FRYL: variants seen among roughly 807,000 people sequenced by gnomAD.
The protein encoded by FRYL is FRY like transcription coactivator.
In FRYL, 150 loss-of-function variants were observed where a neutral mutation model predicts 351.2. The ratio of observed to expected loss-of-function variants is 0.43; its 90% CI spans 0.37 to 0.49. The LOEUF (loss-of-function observed/expected upper bound fraction) is 0.49, where lower values mean the gene tolerates loss of function less well. FRYL is among the 20% of genes least tolerant of loss of function. The pLI, the probability that FRYL is intolerant of heterozygous loss-of-function variation, is 0.00. For missense variants in FRYL, 3,036 were observed against 3,619.3 expected (o/e 0.84, Z 4.13); for synonymous variants, 1,153 against 1,257.1 (o/e 0.92, Z 1.75).
chr4:48,674,736 C>CCAAAAA, intron 3 of FRYL, among the ~76,000 whole-genome samples: 1 of 55,774 alleles, frequency 1.8e-5, no homozygotes, highest in Non-Finnish European at 2.9e-5. Context: ...GACTCTGTCT[C>CCAAAAA]AAAAAAAAAA....
intron 4 of FRYL, among the ~76,000 whole-genome samples, chr4:48,626,039 T>G (rs1429611730): frequency 2.0e-5 from 3 of 152,148 alleles, no homozygotes; most frequent in Non-Finnish European, 4.4e-5. Context: ...ACTCAAGGGT[T>G]GCTGCTGGGG....
chr4:48,657,359 T>TC (rs1759444914), intron 3 of FRYL, among the ~76,000 whole-genome samples: 1 of 149,210 alleles, frequency 6.7e-6, no homozygotes, highest in Admixed American at 6.7e-5. Flanking sequence ...TTTTCTTTTT[T>TC]TTTTTTTTTT....
chr4:48,655,363 G>C (rs1230785444), intron 3 of FRYL, among the ~76,000 whole-genome samples: 1 of 152,030 alleles, frequency 6.6e-6, no homozygotes, highest in Non-Finnish European at 1.5e-5. Context: ...AATTAGTTTA[G>C]ACACCAGGAT....
In FRYL at chr4:48,561,548, T is replaced by A. The variant is rs1735501986; in HGVS notation, c.3785A>T (p.His1262Leu). 3 of 1,612,474 alleles carry A rather than the reference T, an allele frequency of 1.9e-6. No homozygotes were observed. Among genetic ancestry groups the A allele is most frequent in the Non-Finnish European group, 2.5e-6 (3 of 1,178,844 alleles). ...CTGATAATATGAAACAGAATAGAGA[T>A]GTGGTAGAGGAGACAGCTGGCTGAG... ...GVLSQLSPLP[H>L]LYSVSYYQLS... Residue 1262 changes from histidine to leucine, a missense_variant, in exon 33 of 64, where the codon CAT becomes CTT. Around this residue, in one of 7 missense-constraint regions of FRYL, gnomAD observed 1,987 missense variants for 2,311.7 expected, o/e 0.86. Transcript: ENST00000358350.
chr4:48,568,716 G>C (rs1737437312), intron 27 of FRYL, among the ~76,000 whole-genome samples: 1 of 152,066 alleles, frequency 6.6e-6, no homozygotes, highest in South Asian at 2.1e-4. Flanking sequence ...ATCAATGTAT[G>C]ACCTTTATTC....
chr4:48,567,820 T>A lies in FRYL; in HGVS notation c.2997-400A>T, dbSNP rs1481312567. 2.6e-5 allele frequency among the ~76,000 whole-genome samples: 4 copies of A among 152,350 alleles called. No homozygotes were observed. The East Asian group carries it at 5.8e-4, about 22-fold the overall frequency. On this transcript the variant is annotated intron_variant, in intron 27 of 63. Coordinates refer to ENST00000358350, the MANE Select transcript of FRYL (RefSeq NM_015030.2). The surrounding 1 kb of genome is among the most constrained non-coding windows in gnomAD (Gnocchi z 4.2). ...ATAGCTGCCATGTCTATTCATATTG[T>A]GCCTTCAGCATAATTAAATATCTAT...
At chr4:48,573,375 T>A in intron 25 of FRYL, 132 bp from the exon 26 acceptor site, 4 of 610,892 alleles carry the variant, frequency 6.5e-6, no homozygotes, top group Non-Finnish European at 1.1e-5. Context: ...AATGTCTATT[T>A]TTTTATTTGG....
intron 1 of FRYL, among the ~76,000 whole-genome samples, chr4:48,758,166 T>C (rs1427385339): frequency 1.3e-5 from 2 of 152,202 alleles, no homozygotes; most frequent in South Asian, 2.1e-4. Context: ...ATTCAGGACA[T>C]GGGCATGGGC....
chr4:48,633,875 T>C (rs1367201252), intron 4 of FRYL, among the ~76,000 whole-genome samples: 7 of 110,900 alleles, frequency 6.3e-5, no homozygotes, highest in African/African-American at 2.7e-4. Context: ...CTTTAGAAAC[T>C]GACCCATGTG....
At chr4:48,646,242 T>C (rs1314681578) in intron 3 of FRYL, among the ~76,000 whole-genome samples, 1 of 152,224 alleles carries the variant, frequency 6.6e-6, no homozygotes, top group African/African-American at 2.4e-5. Context: ...ATACAGCTTA[T>C]AAAACAATTC....
Position 48,590,672 on chromosome 4 carries a change from T to A in FRYL, c.1494A>T (p.Glu498Asp). Residue 498 changes from glutamate (E) to aspartate (D), a missense_variant, in exon 17 of 64, where the codon GAA becomes GAT. Physicochemically the swap from Glu to Asp is conservative, Grantham distance 45. Transcript: ENST00000358350. The stretch of plus-strand genomic sequence containing the variant: ...AATTAAACTAACCTATGACTTTTGC[T>A]TCTTCATCTGTCAAGGTTTTATTGA... Reference protein sequence around the residue: ...IFLNKTLTDEEAKVIGMSVYY... With the variant: ...IFLNKTLTDEDAKVIGMSVYY... The A allele has an allele frequency of 1.2e-6, 2 of 1,606,172 alleles. No homozygotes were observed.
At chr4:48,564,385 C>T (rs542432545) in intron 30 of FRYL, among the ~76,000 whole-genome samples, 1 of 152,172 alleles carries the variant, frequency 6.6e-6, no homozygotes, top group African/African-American at 2.4e-5. Context: ...TGATTAGGTG[C>T]TTTCAGAAAA....
chr4:48,571,155 G>A (rs537388601), intron 26 of FRYL, among the ~76,000 whole-genome samples: 2 of 152,310 alleles, frequency 1.3e-5, no homozygotes, highest in African/African-American at 2.4e-5. Context: ...TGTGTCAGGG[G>A]AAGTAAAATA....
At chr4:48,765,451 A>C (rs1218247676) in intron 1 of FRYL, among the ~76,000 whole-genome samples, 5 of 152,346 alleles carry the variant, frequency 3.3e-5, no homozygotes, top group South Asian at 2.1e-4. Flanking sequence ...AGTCACATGC[A>C]GAAGAATGAA....
Position 48,603,150 on chromosome 4 carries a change from T to G in FRYL, c.933+140A>C, listed in dbSNP as rs562362604. ...AATAGAGCCACGCAAAACATACGTA[T>G]GTAAAACTTGCCCTTGTATTGCACT... On this transcript the variant is annotated intron_variant, in intron 12 of 63. Transcript: ENST00000358350. 5.0e-5 allele frequency: 33 copies of G among 660,716 alleles called. No homozygotes were observed. The African/African-American group carries it at 5.9e-4, about 12-fold the overall frequency. 40.9% of individuals were successfully genotyped at this position (660,716 alleles called of 1,614,324 possible).
Position 48,653,593 on chromosome 4 carries a change from C to A in FRYL, c.-80-19103G>T, listed in dbSNP as rs117331631. The A allele has an allele frequency of 2.2e-4, 119 of 531,030 alleles. 3 individuals carry two copies. In the East Asian group the frequency reaches 8.8e-3, roughly 39 times the overall value. 32.9% of individuals were successfully genotyped at this position (531,030 alleles called of 1,614,324 possible). On this transcript the variant is annotated intron_variant, in intron 3 of 63. Coordinates refer to ENST00000358350, the MANE Select transcript of FRYL (RefSeq NM_015030.2). Reference sequence around the variant, plus strand: ...ACTGATTACCATTCAAGAAAATATTCTTCATGCTATTTTCAACAGCTTTTT... The same window carrying A: ...ACTGATTACCATTCAAGAAAATATTATTCATGCTATTTTCAACAGCTTTTT...
chr4:48,675,903 C>T lies in FRYL; in HGVS notation c.-81+8770G>A, dbSNP rs547567117. 2.6e-5 allele frequency among the ~76,000 whole-genome samples: 4 copies of T among 152,284 alleles called. No homozygotes were observed. In the East Asian group the frequency reaches 7.7e-4, roughly 29 times the overall value. ...TATAGCTCAAGGTTTGTAAATACACCAATCAGCACCCTGTGTTTAGCTCAA... is the reference window on the plus strand; with the variant it reads ...TATAGCTCAAGGTTTGTAAATACACTAATCAGCACCCTGTGTTTAGCTCAA... On this transcript the variant is annotated intron_variant, in intron 3 of 63. Coordinates refer to ENST00000358350, the MANE Select transcript of FRYL (RefSeq NM_015030.2).
chr4:48,528,816 C>T (rs6835757), intron 50 of FRYL, among the ~76,000 whole-genome samples: 150,536 of 152,316 alleles, frequency 0.99, 74,410 homozygotes, highest in East Asian at 1. Context: ...AAGAGGAACA[C>T]TTCTATGTAG....
chr4:48,498,454 A>AAAT lies in FRYL; in HGVS notation c.*965_*967dup, dbSNP rs1243160849. 6.6e-6 allele frequency: 1 copy of AAAT among 152,626 alleles called. No homozygotes were observed. Among genetic ancestry groups the AAAT allele is most frequent in the East Asian group, 1.9e-4 (1 of 5,196 alleles). The allele number at this position is 152,626 out of a possible 1,614,324, so 9.5% of individuals were successfully genotyped here. ...GTCTCTACAGTTTCTATATGGAGTA[A>AAAT]AATAAGTTAAAACTTTTCTAATGAG... On this transcript the variant is annotated 3_prime_UTR_variant, in exon 64 of 64. Transcript: ENST00000358350.
Sources: allele counts gnomAD v4.1 joint callset (sites outside exome capture counted in the v4.1 genomes callset), GRCh38; gene constraint gnomAD v4.1.1; regional missense constraint gnomAD v4.1.1; non-coding constraint Gnocchi (gnomAD v3.1); transcripts MANE v1.5; gene names NCBI Gene and HGNC (gene_info 2026-07-23, HGNC 2026-07-21).